Variants in PIK3C3 observed in about 807,000 individuals in gnomAD.
PIK3C3 encodes the protein PI3-kinase type 3.
In PIK3C3, 95 loss-of-function variants were observed where a neutral mutation model predicts 126.1. The ratio of observed to expected loss-of-function variants is 0.75; its 90% confidence interval spans 0.64 to 0.89. The LOEUF (loss-of-function observed/expected upper bound fraction) is 0.89. PIK3C3 is among the 40% of genes least tolerant of loss of function. PIK3C3 has a pLI of 0.00. For synonymous variants in PIK3C3, 374 were observed against 360.0 expected (o/e 1.04, Z -0.44); for missense variants, 829 against 1,063.2 (o/e 0.78, Z 3.06).
rs1981094896 is a variant in PIK3C3 at position 41,979,577 on chromosome 18, A to G, written c.532-8235A>G. ...CCACGTAATGATATTTTGTAGTTAG[A>G]TTTTGGAGAAATGAGAAACATTAAA... is the stretch of plus-strand genomic sequence containing the variant. On this transcript the variant is annotated intron_variant, in intron 4 of 24. Coordinates refer to ENST00000262039, the MANE Select transcript of PIK3C3 (RefSeq NM_002647.4). Among the ~76,000 whole-genome samples, 3 of 152,302 alleles carry G rather than the reference A, an allele frequency of 2.0e-5. No homozygotes were observed. The South Asian group carries it at 6.2e-4, about 32-fold the overall frequency.
intron 4 of PIK3C3, among the ~76,000 whole-genome samples, chr18:41,986,856 C>T (rs1981504879): frequency 6.6e-6 from 1 of 151,916 alleles, no homozygotes; most frequent in South Asian, 2.1e-4. Context: ...GAACTTCAGA[C>T]TTTTTGTGTG....
intron 4 of PIK3C3, 74 bp from the exon 5 acceptor site, chr18:41,987,720 ATATGTGAAGTGTACATTG>A: frequency 4.0e-6 from 3 of 753,406 alleles, no homozygotes; most frequent in Non-Finnish European, 7.0e-6. Flanking sequence ...GGAAAGTATC[ATATGTGAAGTGTACATTG>A]CCATTCTGAC....
At chr18:42,043,139 G>A (rs1002073406) in intron 19 of PIK3C3, among the ~76,000 whole-genome samples, 11 of 148,466 alleles carry the variant, frequency 7.4e-5, no homozygotes, top group East Asian at 3.9e-4. Context: ...TTGCTCTGTC[G>A]CCAGGCTGGA....
At chr18:42,027,754 A>T (rs1983637867) in intron 14 of PIK3C3, among the ~76,000 whole-genome samples, 1 of 152,172 alleles carries the variant, frequency 6.6e-6, no homozygotes, top group African/African-American at 2.4e-5. Flanking sequence ...TCCTGGGTTC[A>T]AGAGATTCTC....
chr18:42,076,111 TATATATATATGCGC>T (rs1192471804), intron 24 of PIK3C3, among the ~76,000 whole-genome samples: 41 of 79,240 alleles, frequency 5.2e-4, no homozygotes, highest in African/African-American at 1.1e-3. Context: ...TATATATATA[TATATATATATGCGC>T]ATATATATAT....
chr18:41,982,259 A>G lies in PIK3C3; in HGVS notation c.532-5553A>G, dbSNP rs189606201. Among the ~76,000 whole-genome samples the G allele has an allele frequency of 3.5e-3, 527 of 152,256 alleles. 2 individuals carry two copies. Among genetic ancestry groups the G allele is most frequent in the African/African-American group, 0.012 (502 of 41,572 alleles). ...TGACAAAATGCAACCCTGTACAATCATATAAAGGGTTACTGGAAAAACAGT... is the reference window on the plus strand; with the variant it reads ...TGACAAAATGCAACCCTGTACAATCGTATAAAGGGTTACTGGAAAAACAGT... On this transcript the variant is annotated intron_variant, in intron 4 of 24. Transcript: ENST00000262039.
At chr18:42,040,225 A>C (rs1984249277) in intron 18 of PIK3C3, among the ~76,000 whole-genome samples, 1 of 148,038 alleles carries the variant, frequency 6.8e-6, no homozygotes, top group Non-Finnish European at 1.5e-5. Context: ...ATGACAGAAG[A>C]TGGAATATTA....
At chr18:41,963,779 T>C (rs574068955) in intron 3 of PIK3C3, among the ~76,000 whole-genome samples, 7 of 152,168 alleles carry the variant, frequency 4.6e-5, no homozygotes, top group African/African-American at 1.7e-4. Context: ...ATGTACTTTG[T>C]CCTTTTTAGA....
chr18:42,078,148 CG>C (rs1400802071), intron 24 of PIK3C3, among the ~76,000 whole-genome samples: 1 of 151,694 alleles, frequency 6.6e-6, no homozygotes, highest in African/African-American at 2.4e-5. Flanking sequence ...GAGGCCGAGG[CG>C]GGTGGATCAT....
rs780924204 is a variant in PIK3C3, at chr18:42,064,731, C to T, written c.2433-9C>T. On this transcript the variant is annotated splice_polypyrimidine_tract_variant and intron_variant, in intron 22 of 24. Coordinates refer to ENST00000262039, the MANE Select transcript of PIK3C3 (RefSeq NM_002647.4). ...CGTTGCTATTTTTTTCTTTTCTGCTCTTCTTTAGGTATTCTAATCTGATTT... is the reference window on the plus strand; with the variant it reads ...CGTTGCTATTTTTTTCTTTTCTGCTTTTCTTTAGGTATTCTAATCTGATTT... The T allele has an allele frequency of 1.9e-4, 279 of 1,439,514 alleles. No individual in the cohort carries two copies. The highest frequency in any genetic ancestry group is 2.5e-4 in the Non-Finnish European group (252 of 1,026,600). 89.2% of individuals were successfully genotyped at this position (1,439,514 alleles called of 1,614,324 possible).
At position 42,082,518 on chromosome 18, in the gene PIK3C3, AG is replaced by A. The variant is rs1986283876; in HGVS notation, c.*1383del. On this transcript the variant is annotated 3_prime_UTR_variant, in exon 25 of 25. Coordinates refer to ENST00000262039, the MANE Select transcript of PIK3C3 (RefSeq NM_002647.4). Reference sequence around the variant, plus strand: ...GAGCTTATATATAAACTAAATGGGCAGGCTCCATCGTCTACCTTTCTTTTTC... The same window carrying A: ...GAGCTTATATATAAACTAAATGGGCAGCTCCATCGTCTACCTTTCTTTTTC... 1 of 152,232 alleles carries A rather than the reference AG, an allele frequency of 6.6e-6. No individual in the cohort carries two copies. Among genetic ancestry groups the A allele is most frequent in the Non-Finnish European group, 1.5e-5 (1 of 68,038 alleles). 9.4% of individuals were successfully genotyped at this position (152,232 alleles called of 1,614,324 possible). A position where few individuals can be genotyped will look rare whatever the true frequency, so the allele number is the denominator to read the frequency against.
chr18:41,977,500 AT>A (rs200563316), intron 4 of PIK3C3, among the ~76,000 whole-genome samples: 351 of 145,944 alleles, frequency 2.4e-3, no homozygotes, highest in African/African-American at 3.7e-3. Context: ...ATATATGTGT[AT>A]TTTTTTTTTT....
chr18:41,972,767 T>C (rs577690530), intron 4 of PIK3C3, among the ~76,000 whole-genome samples: 4 of 152,216 alleles, frequency 2.6e-5, no homozygotes, highest in African/African-American at 9.6e-5. Flanking sequence ...TGAAGGAAGC[T>C]CTTTTTATTT....
intron 22 of PIK3C3, among the ~76,000 whole-genome samples, chr18:42,062,684 C>T (rs909864614): frequency 6.6e-6 from 1 of 151,972 alleles, no homozygotes; most frequent in East Asian, 1.9e-4. Context: ...GTGCTGATGA[C>T]TTTAAACTAA....
At chr18:42,070,962 A>G (rs551469902) in intron 24 of PIK3C3, among the ~76,000 whole-genome samples, 2 of 152,354 alleles carry the variant, frequency 1.3e-5, no homozygotes, top group East Asian at 3.9e-4. Flanking sequence ...TTGAGAAGAA[A>G]CATTAAGTCT....
chr18:42,049,496 T>C (rs1486828814), intron 20 of PIK3C3, 35 bp from the exon 21 acceptor site: 3 of 1,538,736 alleles, frequency 1.9e-6, no homozygotes, highest in African/African-American at 1.4e-5. Context: ...TGGTTTGCAT[T>C]TGTTTTCACA....
intron 3 of PIK3C3, among the ~76,000 whole-genome samples, chr18:41,968,216 G>A (rs1483678527): frequency 6.6e-6 from 1 of 152,116 alleles, no homozygotes; most frequent in Admixed American, 6.6e-5. Flanking sequence ...GTATTCACTG[G>A]GGGATGGGAA....
intron 3 of PIK3C3, among the ~76,000 whole-genome samples, chr18:41,966,000 T>C (rs1453964245): frequency 6.6e-6 from 1 of 152,106 alleles, no homozygotes; most frequent in Non-Finnish European, 1.5e-5. Context: ...GGAAAATAGG[T>C]CATCCTACAC....
At chr18:42,013,411 TA>T in intron 10 of PIK3C3, 30 bp from the exon 11 acceptor site, 1 of 1,326,556 alleles carries the variant, frequency 7.5e-7, no homozygotes, top group Non-Finnish European at 1.0e-6. Context: ...ATTCTTTTCC[TA>T]ATATTACTTT....
Sources: allele counts gnomAD v4.1 joint callset (sites outside exome capture counted in the v4.1 genomes callset), GRCh38; gene constraint gnomAD v4.1.1; transcripts MANE v1.5; gene names NCBI Gene and HGNC (gene_info 2026-07-23, HGNC 2026-07-21).